FBXO28: variants seen among roughly 807,000 people sequenced by gnomAD.
FBXO28 encodes the protein F-box only protein 28.
In FBXO28, 8 loss-of-function variants were observed where a neutral mutation model predicts 38.1. The ratio of observed to expected loss-of-function variants is 0.21; its 90% CI spans 0.12 to 0.38. FBXO28 has a LOEUF of 0.38. Among genes scored for constraint, FBXO28 ranks in the 10% least tolerant of loss-of-function variants. The pLI is 1.00. For missense variants in FBXO28, 345 were observed against 460.6 expected, an observed-to-expected ratio of 0.75 and a Z score of 2.30; for synonymous variants, 168 against 173.8, an observed-to-expected ratio of 0.97 and a Z score of 0.26.
In FBXO28 at chr1:224,161,230, C is replaced by T. The variant is rs529674985; in HGVS notation, c.*3484C>T. 17 of 151,950 alleles carry T rather than the reference C, an allele frequency of 1.1e-4. No homozygotes were observed. Among genetic ancestry groups the T allele is most frequent in the Non-Finnish European group, 2.2e-4 (15 of 67,952 alleles). 9.4% of individuals were successfully genotyped at this position (151,950 alleles called of 1,614,324 possible). On this transcript the variant is annotated 3_prime_UTR_variant, in exon 5 of 5. Coordinates refer to ENST00000366862, the MANE Select transcript of FBXO28 (RefSeq NM_015176.4). ...AACTCCCTATATTGTCTATTTCCAA[C>T]ATTATATAATTTTAATTTAATGTAA...
In FBXO28 at chr1:224,141,597, G is replaced by T. The variant is rs540591407; in HGVS notation, c.516+7385G>T. 1.6e-3 allele frequency among the ~76,000 whole-genome samples: 239 copies of T among 152,244 alleles called. 1 individual carries two copies. The highest frequency in any genetic ancestry group is 0.013 in the South Asian group (64 of 4,830). ...GAGTGTATTTACACAAACCTAGATG[G>T]TTCTTACACACATAGGCTATATGGT... On this transcript the variant is annotated intron_variant, in intron 3 of 4. Coordinates refer to ENST00000366862, the MANE Select transcript of FBXO28 (RefSeq NM_015176.4).
chr1:224,152,959 G>T (rs370206479), intron 3 of FBXO28, among the ~76,000 whole-genome samples, 183 bp from the exon 4 acceptor site: 1,348 of 131,838 alleles, frequency 0.01, 31 homozygotes, highest in African/African-American at 0.036. Context: ...AAAAAGTACT[G>T]TAACAAGTCC....
chr1:224,138,731 A>AT (rs1558192211), intron 3 of FBXO28, among the ~76,000 whole-genome samples: 4 of 151,180 alleles, frequency 2.6e-5, no homozygotes, highest in African/African-American at 7.3e-5. Flanking sequence ...CTTCTTTTTT[A>AT]TTTTTTTGTT....
intron 3 of FBXO28, among the ~76,000 whole-genome samples, chr1:224,140,992 GGCCAACATGGT>G (rs200122732): frequency 0.028 from 4,158 of 147,390 alleles, 75 homozygotes; most frequent in Non-Finnish European, 0.041. Context: ...ATGCCAGCCT[GGCCAACATGGT>G]GAAACCCTTT....
At chr1:224,114,421 C>A (rs759706396) in intron 1 of FBXO28, 25 bp downstream of exon 1, 1 of 1,513,900 alleles carries the variant, frequency 6.6e-7, no homozygotes, top group Middle Eastern at 2.2e-4. Flanking sequence ...GAACTCCTGC[C>A]TCCCTCTCCC....
rs11405030 is a variant in FBXO28, at chr1:224,147,420, C to CAA, written c.517-5709_517-5708dup. Among the ~76,000 whole-genome samples, 505 of 138,928 alleles carry CAA rather than the reference C, an allele frequency of 3.6e-3. 2 individuals carry two copies. Among genetic ancestry groups the CAA allele is most frequent in the Non-Finnish European group, 4.7e-3 (303 of 64,790 alleles). The allele number at this position is 138,928 out of a possible 152,430, so 91.1% of individuals were successfully genotyped here. On this transcript the variant is annotated intron_variant, in intron 3 of 4. Transcript: ENST00000366862. ...CCTGGGCAACAGAGCGAGACTGTGT[C>CAA]AAAAAAAAAAAAAAGAGAAGAAAAA...
chr1:224,123,708 G>A (rs909533163), intron 1 of FBXO28, among the ~76,000 whole-genome samples: 1 of 152,060 alleles, frequency 6.6e-6, no homozygotes, highest in Non-Finnish European at 1.5e-5. Context: ...CAATTATAAT[G>A]CTAAGACATT....
intron 3 of FBXO28, among the ~76,000 whole-genome samples, chr1:224,135,483 G>A (rs373946465): frequency 7.9e-5 from 12 of 151,352 alleles, no homozygotes; most frequent in South Asian, 6.3e-4. Flanking sequence ...GTAGTGGCTC[G>A]CACCTCTAAT....
rs1220642747 is a variant in FBXO28 at position 224,159,624 on chromosome 1, A to G, written c.*1878A>G. 3 of 152,374 alleles carry G rather than the reference A, an allele frequency of 2.0e-5. No homozygotes were observed. The highest frequency in any genetic ancestry group is 7.2e-5 in the African/African-American group (3 of 41,422). 9.4% of individuals were successfully genotyped at this position (152,374 alleles called of 1,614,324 possible). On this transcript the variant is annotated 3_prime_UTR_variant, in exon 5 of 5. Transcript: ENST00000366862. ...CACTTCTCATTTTTATAATCATAGT[A>G]TTTAGCCATATTAGCATATCTTTAG...
chr1:224,135,611 C>CAAAA lies in FBXO28; in HGVS notation c.516+1420_516+1423dup, dbSNP rs71168313. Among the ~76,000 whole-genome samples, 789 of 110,600 alleles carry CAAAA rather than the reference C, an allele frequency of 7.1e-3. 21 individuals carry two copies. The highest frequency in any genetic ancestry group is 0.014 in the African/African-American group (368 of 26,190). 72.6% of individuals were successfully genotyped at this position (110,600 alleles called of 152,430 possible). A position where few individuals can be genotyped will look rare whatever the true frequency, so the allele number is the denominator to read the frequency against. ...TGGGCAACAGAGCAAGACTCTGTCT[C>CAAAA]AAAAAAAAAAAAAAAAAAAAAAAAG... On this transcript the variant is annotated intron_variant, in intron 3 of 4. Transcript: ENST00000366862.
intron 3 of FBXO28, among the ~76,000 whole-genome samples, chr1:224,148,347 TG>T (rs1558195831): frequency 6.6e-6 from 1 of 152,126 alleles, no homozygotes; most frequent in Non-Finnish European, 1.5e-5. Flanking sequence ...AAAGACTAAT[TG>T]TATAATATAT....
At chr1:224,119,131 T>C (rs1393821132) in intron 1 of FBXO28, among the ~76,000 whole-genome samples, 2 of 63,608 alleles carry the variant, frequency 3.1e-5, no homozygotes, top group East Asian at 8.4e-4. Flanking sequence ...TTTTTCTTTT[T>C]TTTCTTTTTT....
chr1:224,131,510 A>G (rs1488916741), intron 2 of FBXO28, among the ~76,000 whole-genome samples: 1 of 152,258 alleles, frequency 6.6e-6, no homozygotes, highest in East Asian at 1.9e-4. Context: ...AAGTCTGGAT[A>G]ATAAACCTTA....
In FBXO28 at chr1:224,114,333, C is replaced by A. The variant is rs369409868; in HGVS notation, c.204C>A (p.Pro68=). The stretch of plus-strand genomic sequence containing the variant: ...AAAACAACACGCTTGTGGCGCTGCC[C>A]ATCGTAGCCATCGAGAACATCCTCA... The part of the protein sequence containing the change: ...LPQNNTLVAL[P]IVAIENILSF... Residue 68 remains proline, a synonymous_variant, in exon 1 of 5, where the codon CCC becomes CCA. Coordinates refer to ENST00000366862, the MANE Select transcript of FBXO28 (RefSeq NM_015176.4). 112 of 1,591,444 alleles carry A rather than the reference C, an allele frequency of 7.0e-5. No individual in the cohort carries two copies. Among genetic ancestry groups the A allele is most frequent in the Non-Finnish European group, 9.4e-5 (110 of 1,168,986 alleles).
At chr1:224,126,103 A>G (rs905282944) in intron 1 of FBXO28, among the ~76,000 whole-genome samples, 17 of 152,144 alleles carry the variant, frequency 1.1e-4, no homozygotes, top group African/African-American at 2.4e-4. Context: ...TAACTTAGCA[A>G]TCTTTGCCCT....
At chr1:224,127,978 T>A (rs1289641594) in intron 1 of FBXO28, among the ~76,000 whole-genome samples, 2 of 152,234 alleles carry the variant, frequency 1.3e-5, no homozygotes, top group Non-Finnish European at 1.5e-5. Context: ...ATTTTGAAAT[T>A]GAAAAGAACA....
Position 224,135,553 on chromosome 1 carries a change from A to G in FBXO28, c.516+1341A>G, listed in dbSNP as rs149504142. On this transcript the variant is annotated intron_variant, in intron 3 of 4. Coordinates refer to ENST00000366862, the MANE Select transcript of FBXO28 (RefSeq NM_015176.4). ...CTTGAACCCGGGAGGCGGAGGTTGCACTGAGCCAAGATCACACCACTGCAC... is the reference window on the plus strand; with the variant it reads ...CTTGAACCCGGGAGGCGGAGGTTGCGCTGAGCCAAGATCACACCACTGCAC... 9.8e-3 allele frequency among the ~76,000 whole-genome samples: 1,417 copies of G among 144,192 alleles called. 27 individuals carry two copies. Among genetic ancestry groups the G allele is most frequent in the African/African-American group, 0.034 (1,325 of 38,638 alleles). 94.6% of individuals were successfully genotyped at this position (144,192 alleles called of 152,430 possible).
chr1:224,119,300 ATT>A (rs60981634), intron 1 of FBXO28, among the ~76,000 whole-genome samples: 1 of 144,698 alleles, frequency 6.9e-6, no homozygotes, highest in Non-Finnish European at 1.5e-5. Flanking sequence ...CGCCCGGCTA[ATT>A]TTTTTTTTTT....
At chr1:224,153,042 A>G in intron 3 of FBXO28, 100 bp from the exon 4 acceptor site, 1 of 846,224 alleles carries the variant, frequency 1.2e-6, no homozygotes, top group South Asian at 1.8e-5. Context: ...ACAGGTCTTT[A>G]CTGGAATTGC....
Sources: allele counts gnomAD v4.1 joint callset (sites outside exome capture counted in the v4.1 genomes callset), GRCh38; gene constraint gnomAD v4.1.1; transcripts MANE v1.5; gene names NCBI Gene and HGNC (gene_info 2026-07-23, HGNC 2026-07-21).